The following ATL2 variants were observed in gnomAD, a reference collection of about 807,000 sequenced individuals.
The protein encoded by ATL2 is atlastin-2.
In ATL2, 31 loss-of-function variants were observed where a neutral mutation model predicts 73.9. The observed-to-expected ratio is 0.42, with a 90% CI of 0.32 to 0.57. ATL2 has a LOEUF of 0.57. Among genes scored for constraint, ATL2 ranks in the 20% least tolerant of loss-of-function variants. ATL2 has a pLI of 0.14. For missense variants in ATL2, 738 were observed against 702.6 expected (o/e 1.05, Z -0.57); for synonymous variants, 291 against 237.5 (o/e 1.23, Z -2.07).
At chr2:38,367,563 C>T (rs998795294) in intron 1 of ATL2, among the ~76,000 whole-genome samples, 6 of 118,362 alleles carry the variant, frequency 5.1e-5, no homozygotes, top group Non-Finnish European at 8.2e-5. Context: ...CCACTGCACT[C>T]CAGCCCGGGG....
intron 2 of ATL2, among the ~76,000 whole-genome samples, chr2:38,335,623 C>G (rs1434156290): frequency 1.3e-5 from 2 of 152,034 alleles, no homozygotes; most frequent in African/African-American, 4.8e-5. Context: ...TAGAGAGCCT[C>G]CTAGAATGCA....
In ATL2 at chr2:38,367,057, C is replaced by T. The variant is rs1297412347; in HGVS notation, c.118+10086G>A. Among the ~76,000 whole-genome samples the T allele has an allele frequency of 2.0e-5, 3 of 151,956 alleles. No homozygotes were observed. In the East Asian group the frequency reaches 5.8e-4, roughly 29 times the overall value. On this transcript the variant is annotated intron_variant, in intron 1 of 12. Transcript: ENST00000378954. ...CTCACTATGTCGCCCAGGCTCAGCT[C>T]CATCCTGCAGCCTCAGCCTCCCAAA...
intron 1 of ATL2, among the ~76,000 whole-genome samples, chr2:38,355,744 G>T (rs1355433348): frequency 2.0e-5 from 3 of 149,454 alleles, no homozygotes; most frequent in African/African-American, 7.5e-5. Context: ...CTGTCACCCA[G>T]GCTGGAGTGC....
intron 9 of ATL2, among the ~76,000 whole-genome samples, chr2:38,301,554 G>A (rs539857043): frequency 6.6e-6 from 1 of 152,312 alleles, no homozygotes; most frequent in Admixed American, 6.5e-5. Context: ...ATGGTGTGGA[G>A]AGACAATCTA....
intron 1 of ATL2, among the ~76,000 whole-genome samples, chr2:38,355,935 C>G (rs1417758548): frequency 6.6e-6 from 1 of 151,084 alleles, no homozygotes; most frequent in Non-Finnish European, 1.5e-5. Context: ...CCTCAATGAT[C>G]CACCCACCAC....
At chr2:38,322,013 A>G (rs531126342) in intron 2 of ATL2, among the ~76,000 whole-genome samples, 117 of 152,284 alleles carry the variant, frequency 7.7e-4, no homozygotes, top group African/African-American at 2.7e-3. Context: ...TGATTCTACC[A>G]TACCAAAAAA....
chr2:38,316,555 G>T (rs1044399393), intron 4 of ATL2, among the ~76,000 whole-genome samples: 2 of 147,086 alleles, frequency 1.4e-5, no homozygotes, highest in African/African-American at 5.5e-5. Flanking sequence ...CATAAGGAAA[G>T]AAAACTACCC....
chr2:38,369,561 C>T (rs1272433702), intron 1 of ATL2, among the ~76,000 whole-genome samples: 1 of 151,424 alleles, frequency 6.6e-6, no homozygotes, highest in Non-Finnish European at 1.5e-5. Flanking sequence ...GCTGGGATTA[C>T]AGTCGTGAGC....
chr2:38,345,729 A>T (rs560654511), intron 1 of ATL2, among the ~76,000 whole-genome samples: 1 of 152,238 alleles, frequency 6.6e-6, no homozygotes, highest in Non-Finnish European at 1.5e-5. Flanking sequence ...GTCCAGATAA[A>T]TAACAAAACA....
intron 12 of ATL2, chr2:38,296,510 T>C (rs997959872): frequency 6.2e-7 from 1 of 1,613,754 alleles, no homozygotes; most frequent in Non-Finnish European, 8.5e-7. Flanking sequence ...TATTGTTGGA[T>C]GACAGTCTCT....
chr2:38,346,182 C>A (rs1048812075), intron 1 of ATL2, among the ~76,000 whole-genome samples: 1 of 152,154 alleles, frequency 6.6e-6, no homozygotes, highest in African/African-American at 2.4e-5. Context: ...TAACCACCTT[C>A]TTAATTTGTC....
In ATL2 at chr2:38,377,229, T is replaced by G; in HGVS notation, c.32A>C (p.Gln11Pro). Reference protein sequence around the residue: MAEGDEAARGQQPHQGLWRRR... With the variant: MAEGDEAARGPQPHQGLWRRR... ...GCGCCACAGCCCCTGGTGCGGTTGCTGCCCTCGCGCTGCCTCGTCCCCCTC... is the reference window on the plus strand; with the variant it reads ...GCGCCACAGCCCCTGGTGCGGTTGCGGCCCTCGCGCTGCCTCGTCCCCCTC... The change falls in exon 1 of 13, where the codon CAG becomes CCG. Residue 11 changes from glutamine to proline, a missense_variant. By Grantham distance (76) the Gln-to-Pro change is moderately conservative. Transcript: ENST00000378954. 6.2e-7 allele frequency: 1 copy of G among 1,603,670 alleles called. No homozygotes were observed. The highest frequency in any genetic ancestry group is 1.1e-5 in the South Asian group (1 of 89,534).
intron 1 of ATL2, among the ~76,000 whole-genome samples, chr2:38,355,656 G>C (rs1373480275): frequency 1.4e-5 from 2 of 147,468 alleles, no homozygotes; most frequent in Non-Finnish European, 3.0e-5. Context: ...AAAATTCAGA[G>C]AACTAAAAAG....
At chr2:38,373,272 G>C (rs1671785806) in intron 1 of ATL2, among the ~76,000 whole-genome samples, 1 of 152,156 alleles carries the variant, frequency 6.6e-6, no homozygotes, top group Non-Finnish European at 1.5e-5. Flanking sequence ...TGTTACTAGA[G>C]AACCTAGATA....
At chr2:38,299,464 T>G (rs1222838160) in intron 10 of ATL2, 137 bp from the exon 11 acceptor site, 1 of 873,336 alleles carries the variant, frequency 1.1e-6, no homozygotes, top group Non-Finnish European at 1.6e-6. Context: ...TTCTTTCCTA[T>G]GCAAGGGAAC....
In ATL2 at chr2:38,355,703, C is replaced by CTT. The variant is rs34580648; in HGVS notation, c.119-12193_119-12192dup. Among the ~76,000 whole-genome samples, 958 of 136,874 alleles carry CTT rather than the reference C, an allele frequency of 7.0e-3. 11 individuals are homozygous for CTT. Among genetic ancestry groups the CTT allele is most frequent in the East Asian group, 0.057 (269 of 4,748 alleles). 89.8% of individuals were successfully genotyped at this position (136,874 alleles called of 152,430 possible). ...AATGCATAGTCACATTTGTTTGGTT[C>CTT]TTTTTTTTTTTTTTTTCTTTGAGTC... On this transcript the variant is annotated intron_variant, in intron 1 of 12. Transcript: ENST00000378954.
At chr2:38,353,875 A>C (rs1157422658) in intron 1 of ATL2, among the ~76,000 whole-genome samples, 1 of 152,210 alleles carries the variant, frequency 6.6e-6, no homozygotes, top group Non-Finnish European at 1.5e-5. Context: ...TCATTCAAAA[A>C]TGAAAGCAAA....
At chr2:38,376,372 C>A in intron 1 of ATL2, 1 of 677,098 alleles carries the variant, frequency 1.5e-6, no homozygotes, top group Non-Finnish European at 2.2e-6. Context: ...ACCAGGGAGC[C>A]AAGGATCAGG....
At chr2:38,305,090 G>A (rs944987517) in intron 9 of ATL2, among the ~76,000 whole-genome samples, 1 of 151,672 alleles carries the variant, frequency 6.6e-6, no homozygotes, top group African/African-American at 2.4e-5. Context: ...AAAAAAAAGA[G>A]CAGAAGAAGC....
Sources: gnomAD v4.1 joint callset for allele counts (sites outside exome capture counted in the v4.1 genomes callset) on GRCh38, gnomAD v4.1.1 for gene constraint, MANE v1.5 for transcripts, NCBI Gene and HGNC (gene_info 2026-07-23, HGNC 2026-07-21) for gene names.